PTPRN2: variants seen among roughly 807,000 people sequenced by gnomAD.
PTPRN2 encodes the protein receptor-type tyrosine-protein phosphatase N2.
Under a neutral mutation model 118.8 loss-of-function variants are expected in PTPRN2, and 74 were observed. That is an observed-to-expected ratio of 0.62 (90% CI 0.52 to 0.76). The LOEUF is 0.76. PTPRN2 is among the 30% of genes least tolerant of loss of function. The probability of loss-of-function intolerance (pLI) is 0.00; values close to 1 mark genes in which losing one functional copy is unlikely to be tolerated. For synonymous variants in PTPRN2, 641 were observed against 608.0 expected (o/e 1.05, Z -0.80); for missense variants, 1,481 against 1,394.4 (o/e 1.06, Z -0.99).
chr7:158,512,553 T>C (rs1357553651), intron 1 of PTPRN2, among the ~76,000 whole-genome samples: 2 of 152,022 alleles, frequency 1.3e-5, no homozygotes, highest in African/African-American at 2.4e-5. Context: ...CTCACACACA[T>C]GCATAGTCAC....
intron 13 of PTPRN2, among the ~76,000 whole-genome samples, chr7:157,673,871 C>T (rs539283008): frequency 1.2e-4 from 18 of 145,336 alleles, no homozygotes; most frequent in Admixed American, 2.7e-4. Context: ...TGTCTGTTTC[C>T]GGGTTCACAC....
At chr7:158,071,406 G>GTGT (rs1811571533) in intron 11 of PTPRN2, among the ~76,000 whole-genome samples, 1 of 109,734 alleles carries the variant, frequency 9.1e-6, no homozygotes, top group African/African-American at 3.6e-5. Flanking sequence ...GCTCGTGGTG[G>GTGT]AGTTGCTCCT....
At chr7:158,478,280 G>T (rs1244748811) in intron 2 of PTPRN2, among the ~76,000 whole-genome samples, 3 of 152,234 alleles carry the variant, frequency 2.0e-5, no homozygotes, top group Admixed American at 2.0e-4. Flanking sequence ...CACTGCAGTG[G>T]ACGGCTAGAG....
At chr7:157,825,993 C>G in intron 12 of PTPRN2, among the ~76,000 whole-genome samples, 1 of 152,202 alleles carries the variant, frequency 6.6e-6, no homozygotes, top group East Asian at 1.9e-4. Flanking sequence ...TCACCACTTT[C>G]ACTTTGTTCC....
intron 14 of PTPRN2, among the ~76,000 whole-genome samples, chr7:157,655,553 G>A (rs897077901): frequency 3.3e-5 from 5 of 152,196 alleles, no homozygotes; most frequent in African/African-American, 4.8e-5. Flanking sequence ...ATGGTACGGC[G>A]AAGAATGTTT....
intron 2 of PTPRN2, among the ~76,000 whole-genome samples, chr7:158,331,468 A>C (rs1804427807): frequency 6.7e-6 from 1 of 148,606 alleles, no homozygotes; most frequent in Non-Finnish European, 1.5e-5. Context: ...ACACCCGCAG[A>C]CGTCACTCAC....
At chr7:157,642,160 G>A (rs1053836965) in intron 14 of PTPRN2, among the ~76,000 whole-genome samples, 67 of 152,330 alleles carry the variant, frequency 4.4e-4, no homozygotes, top group African/African-American at 1.6e-3. Flanking sequence ...AATGTCTAGT[G>A]TTTCTCCAGC....
At chr7:158,219,744 G>T (rs1486376199) in intron 3 of PTPRN2, among the ~76,000 whole-genome samples, 1 of 151,644 alleles carries the variant, frequency 6.6e-6, no homozygotes, top group Non-Finnish European at 1.5e-5. Context: ...AGGTTTTCTG[G>T]GTTTTTTCCA....
At chr7:158,247,052 G>A (rs930616898) in intron 3 of PTPRN2, among the ~76,000 whole-genome samples, 17 of 152,342 alleles carry the variant, frequency 1.1e-4, no homozygotes, top group African/African-American at 2.9e-4. Flanking sequence ...GAGGACGCAC[G>A]ATGGGGTTAG....
chr7:157,772,098 C>G (rs185240344), intron 12 of PTPRN2, among the ~76,000 whole-genome samples: 67 of 151,286 alleles, frequency 4.4e-4, no homozygotes, highest in Non-Finnish European at 8.0e-4. Flanking sequence ...CAAACACACA[C>G]ATGGATACAC....
intron 11 of PTPRN2, among the ~76,000 whole-genome samples, chr7:158,039,207 G>C (rs1294430815): frequency 6.6e-6 from 1 of 152,186 alleles, no homozygotes; most frequent in African/African-American, 2.4e-5. Flanking sequence ...ATATAATTCT[G>C]TGTGAAAAAC....
At chr7:158,224,414 A>G (rs775304485) in intron 3 of PTPRN2, among the ~76,000 whole-genome samples, 1 of 152,224 alleles carries the variant, frequency 6.6e-6, no homozygotes, top group Admixed American at 6.5e-5. Flanking sequence ...ACAATAGAAT[A>G]GAAAACCCAG....
At chr7:158,112,731 G>A (rs537307486) in intron 9 of PTPRN2, among the ~76,000 whole-genome samples, 5 of 151,364 alleles carry the variant, frequency 3.3e-5, no homozygotes, top group South Asian at 4.2e-4. Context: ...AGGCCCCAGC[G>A]GGGCATCCAG....
At chr7:157,660,040 G>A (rs550037845) in intron 13 of PTPRN2, among the ~76,000 whole-genome samples, 1 of 152,288 alleles carries the variant, frequency 6.6e-6, no homozygotes, top group Admixed American at 6.5e-5. Context: ...ACCAACCTGA[G>A]TATACATCTC....
At chr7:158,331,128 A>T (rs1586299367) in intron 2 of PTPRN2, among the ~76,000 whole-genome samples, 1 of 141,944 alleles carries the variant, frequency 7.0e-6, no homozygotes, top group African/African-American at 2.6e-5. Context: ...CTCTCACCAT[A>T]AGAGCTGACG....
At chr7:158,139,104 G>A (rs554471905) in intron 6 of PTPRN2, among the ~76,000 whole-genome samples, 1 of 152,310 alleles carries the variant, frequency 6.6e-6, no homozygotes, top group African/African-American at 2.4e-5. Context: ...GAAGGTGGCA[G>A]GGTCTAGGCC....
At chr7:157,730,511 C>T (rs1799835931) in intron 12 of PTPRN2, among the ~76,000 whole-genome samples, 1 of 152,186 alleles carries the variant, frequency 6.6e-6, no homozygotes, top group Non-Finnish European at 1.5e-5. Context: ...CAGCGGTTGC[C>T]CTCCTGTATG....
chr7:157,846,226 C>T (rs1808791564), intron 12 of PTPRN2, among the ~76,000 whole-genome samples: 1 of 152,080 alleles, frequency 6.6e-6, no homozygotes, highest in South Asian at 2.1e-4. Context: ...CAAAACAAGT[C>T]TTCTGAAAAC....
At chr7:158,146,478 T>C (rs1820022273) in intron 6 of PTPRN2, among the ~76,000 whole-genome samples, 1 of 151,940 alleles carries the variant, frequency 6.6e-6, no homozygotes, top group African/African-American at 2.4e-5. Flanking sequence ...TCCCAGCACT[T>C]TGGGACGCTG....
Sources: gnomAD v4.1 joint callset for allele counts (sites outside exome capture counted in the v4.1 genomes callset) on GRCh38, gnomAD v4.1.1 for gene constraint, MANE v1.5 for transcripts, NCBI Gene and HGNC (gene_info 2026-07-23, HGNC 2026-07-21) for gene names.